ELOVL2: variants seen among roughly 807,000 people sequenced by gnomAD.
The protein encoded by ELOVL2 is ELOVL fatty acid elongase 2, also known as very long chain fatty acid elongase 2.
A neutral mutation model predicts 37.7 loss-of-function variants in ELOVL2; 38 were observed. The ratio of observed to expected loss-of-function variants is 1.01; its 90% CI spans 0.78 to 1.32. The LOEUF is 1.32. ELOVL2 is among the 40% of genes most tolerant of loss of function. The probability of loss-of-function intolerance (pLI) is 0.00; values close to 1 mark genes in which losing one functional copy is unlikely to be tolerated. For missense variants in ELOVL2, 352 were observed against 363.6 expected, an observed-to-expected ratio of 0.97 and a Z score of 0.26; for synonymous variants, 115 against 122.3, an observed-to-expected ratio of 0.94 and a Z score of 0.40.
chr6:10,995,467 ATGGGC>A (rs1782249979), intron 4 of ELOVL2, among the ~76,000 whole-genome samples: 1 of 152,254 alleles, frequency 6.6e-6, no homozygotes, highest in East Asian at 1.9e-4. Context: ...AGGATCTCCC[ATGGGC>A]TTGGGTGGCT....
At chr6:11,019,942 C>A (rs1237658657) in intron 1 of ELOVL2, among the ~76,000 whole-genome samples, 3 of 152,178 alleles carry the variant, frequency 2.0e-5, no homozygotes, top group Non-Finnish European at 4.4e-5. Flanking sequence ...TGAGGTTTCA[C>A]CATGTTGGCC....
Position 11,029,055 on chromosome 6 carries a change from TA to T in ELOVL2, c.3+15172del, listed in dbSNP as rs1221815367. On this transcript the variant is annotated intron_variant, in intron 1 of 7. Transcript: ENST00000354666. ...GGGCAACACGGCAAAACTTTGTCTC[TA>T]CAAAAAAAAAAAAAAAAAAAAAAAA... 2.6e-4 allele frequency among the ~76,000 whole-genome samples: 8 copies of T among 30,968 alleles called. No individual in the cohort carries two copies. In the East Asian group the frequency reaches 8.8e-3, roughly 34 times the overall value. The allele number at this position is 30,968 out of a possible 152,430, so 20.3% of individuals were successfully genotyped here.
intron 1 of ELOVL2, among the ~76,000 whole-genome samples, chr6:11,012,851 C>T (rs970459571): frequency 6.6e-6 from 1 of 152,072 alleles, no homozygotes; most frequent in Non-Finnish European, 1.5e-5. Context: ...TGGTCCTTAT[C>T]GTCACAGAGT....
chr6:11,004,034 G>C (rs1378776060), intron 3 of ELOVL2, among the ~76,000 whole-genome samples: 2 of 151,496 alleles, frequency 1.3e-5, no homozygotes, highest in African/African-American at 4.9e-5. Context: ...AGTGAGCTGA[G>C]ATTGCGCCAT....
rs34656289 is a variant in ELOVL2 at position 11,043,404 on chromosome 6, AACACAC to A, written c.3+818_3+823del. On this transcript the variant is annotated intron_variant, in intron 1 of 7. Transcript: ENST00000354666. ...TCAGGCAGTTCATCGGACACGGGTGAACACACACACACACACACACACACACACAGC... is the reference window on the plus strand; with the variant it reads ...TCAGGCAGTTCATCGGACACGGGTGAACACACACACACACACACACACAGC... The A allele has an allele frequency of 5.0e-3, 572 of 115,066 alleles. 6 individuals carry two copies. Among genetic ancestry groups the A allele is most frequent in the African/African-American group, 0.015 (485 of 32,264 alleles). The allele number at this position is 115,066 out of a possible 1,614,324, so 7.1% of individuals were successfully genotyped here.
At chr6:11,040,087 A>G (rs572600429) in intron 1 of ELOVL2, among the ~76,000 whole-genome samples, 4 of 152,344 alleles carry the variant, frequency 2.6e-5, no homozygotes, top group Admixed American at 2.6e-4. Context: ...AAGTAAAAAT[A>G]TGAGAATATT....
At chr6:10,986,899 G>T (rs1782062472) in intron 7 of ELOVL2, among the ~76,000 whole-genome samples, 1 of 151,862 alleles carries the variant, frequency 6.6e-6, no homozygotes, top group Non-Finnish European at 1.5e-5. Context: ...TTTTTCTGTT[G>T]ATTGGAATGG....
intron 3 of ELOVL2, among the ~76,000 whole-genome samples, chr6:11,003,880 G>A (rs952602693): frequency 1.3e-5 from 2 of 151,742 alleles, no homozygotes; most frequent in African/African-American, 2.4e-5. Context: ...TCAGGAGTTC[G>A]AGACCAGCCT....
At chr6:11,019,230 C>A (rs957103363) in intron 1 of ELOVL2, among the ~76,000 whole-genome samples, 2 of 152,014 alleles carry the variant, frequency 1.3e-5, no homozygotes, top group African/African-American at 4.8e-5. Flanking sequence ...AAATTTTTAT[C>A]CCTATTGAAT....
intron 5 of ELOVL2, among the ~76,000 whole-genome samples, chr6:10,992,804 A>AC (rs201000857): frequency 1.7e-4 from 23 of 138,854 alleles, no homozygotes; most frequent in African/African-American, 3.9e-4. Flanking sequence ...ACAAAACAAA[A>AC]AAAAACAAAA....
chr6:11,043,467 A>AAC (rs1554114355), intron 1 of ELOVL2: 1,817 of 107,276 alleles, frequency 0.017, 91 homozygotes, highest in Admixed American at 0.021. Context: ...GACACGGGTG[A>AAC]ACACACACAC....
intron 1 of ELOVL2, among the ~76,000 whole-genome samples, chr6:11,043,367 C>A (rs1783132537): frequency 6.7e-6 from 1 of 149,172 alleles, no homozygotes; most frequent in Non-Finnish European, 1.5e-5. Context: ...CCAGGCTCTG[C>A]TACTAAAACT....
intron 1 of ELOVL2, among the ~76,000 whole-genome samples, chr6:11,025,572 A>G (rs1782826935): frequency 1.3e-5 from 2 of 152,194 alleles, no homozygotes; most frequent in Admixed American, 1.3e-4. Flanking sequence ...TTTAAAATGA[A>G]CAAATGCCTA....
chr6:10,983,737 C>T lies in ELOVL2; in HGVS notation c.*44G>A, dbSNP rs1200750965. 1.9e-6 allele frequency: 3 copies of T among 1,543,328 alleles called. No homozygotes were observed. The highest frequency in any genetic ancestry group is 2.3e-5 in the East Asian group (1 of 43,772). On this transcript the variant is annotated 3_prime_UTR_variant, in exon 8 of 8. Transcript: ENST00000354666. ...AATTCAGTCTTTGCTTTAAAACAAG[C>T]CAATCTGTTAGGCTAGTATATGTGC...
chr6:11,026,981 C>CTTA (rs1210389493), intron 1 of ELOVL2, among the ~76,000 whole-genome samples: 3 of 152,114 alleles, frequency 2.0e-5, no homozygotes, highest in African/African-American at 4.8e-5. Flanking sequence ...ACCTCACATC[C>CTTA]TTATCATTTT....
intron 5 of ELOVL2, among the ~76,000 whole-genome samples, chr6:10,994,550 A>T (rs964081369): frequency 2.6e-5 from 4 of 151,958 alleles, no homozygotes; most frequent in African/African-American, 7.2e-5. Flanking sequence ...TTCTGTTTTT[A>T]AAAAATGGAA....
intron 1 of ELOVL2, among the ~76,000 whole-genome samples, chr6:11,040,512 G>C (rs1783083122): frequency 6.6e-6 from 1 of 151,956 alleles, no homozygotes; most frequent in Non-Finnish European, 1.5e-5. Context: ...GCATGGATTG[G>C]GTTAAATAAC....
intron 7 of ELOVL2, 72 bp downstream of exon 7, chr6:10,989,631 C>CTCTG: frequency 6.7e-7 from 1 of 1,490,652 alleles, no homozygotes; most frequent in Non-Finnish European, 9.2e-7. Context: ...AAGAGCGAAA[C>CTCTG]TCTGTCTCCA....
At position 11,034,295 on chromosome 6, in the gene ELOVL2, T is replaced by A. The variant is rs186481049; in HGVS notation, c.3+9933A>T. 1.4e-3 allele frequency among the ~76,000 whole-genome samples: 206 copies of A among 152,326 alleles called. 2 individuals are homozygous for A. The highest frequency in any genetic ancestry group is 4.5e-3 in the African/African-American group (189 of 41,578). Reference sequence around the variant, plus strand: ...ATTACCTACAAAATCTAGAAGAAACTTCTTAGCCTCAAATTCAAGACTCTT... The same window carrying A: ...ATTACCTACAAAATCTAGAAGAAACATCTTAGCCTCAAATTCAAGACTCTT... On this transcript the variant is annotated intron_variant, in intron 1 of 7. Coordinates refer to ENST00000354666, the MANE Select transcript of ELOVL2 (RefSeq NM_017770.4).
Sources: allele counts gnomAD v4.1 joint callset (sites outside exome capture counted in the v4.1 genomes callset), GRCh38; gene constraint gnomAD v4.1.1; transcripts MANE v1.5; gene names NCBI Gene and HGNC (gene_info 2026-07-23, HGNC 2026-07-21).